RPRD1A: variants seen among roughly 807,000 people sequenced by gnomAD.
RPRD1A encodes the protein regulation of nuclear pre-mRNA domain containing 1A.
Under a neutral mutation model 37.8 loss-of-function variants are expected in RPRD1A, and 9 were observed. The ratio of observed to expected loss-of-function variants is 0.24; its 90% confidence interval spans 0.14 to 0.42. The LOEUF is 0.42. Among genes scored for constraint, RPRD1A ranks in the 10% least tolerant of loss-of-function variants. The pLI is 1.00. For synonymous variants in RPRD1A, 138 were observed against 139.7 expected, an observed-to-expected ratio of 0.99 and a Z score of 0.08; for missense variants, 255 against 371.0, an observed-to-expected ratio of 0.69 and a Z score of 2.57.
chr18:36,051,617 CT>C (rs1157184505), intron 1 of RPRD1A, among the ~76,000 whole-genome samples: 1 of 152,172 alleles, frequency 6.6e-6, no homozygotes, highest in Middle Eastern at 3.2e-3. Context: ...GTTATTGTGT[CT>C]ATTGTATGCT....
At chr18:36,053,526 C>A (rs999816664) in intron 1 of RPRD1A, among the ~76,000 whole-genome samples, 2 of 152,122 alleles carry the variant, frequency 1.3e-5, no homozygotes, top group African/African-American at 4.8e-5. Context: ...ATATAATATT[C>A]CAGCGTGTGG....
intron 6 of RPRD1A, chr18:36,025,946 T>C (rs1012789394): frequency 1.4e-5 from 3 of 219,006 alleles, no homozygotes; most frequent in Non-Finnish European, 2.8e-5. Context: ...TGAGGGTATT[T>C]ATACGAGCAG....
At chr18:36,059,434 G>A (rs61078499) in intron 1 of RPRD1A, among the ~76,000 whole-genome samples, 303 of 152,118 alleles carry the variant, frequency 2.0e-3, no homozygotes, top group African/African-American at 7.1e-3. Flanking sequence ...CACCATACCT[G>A]GCCTTAATTA....
In RPRD1A at chr18:36,020,636, T is replaced by G. The variant is rs546804925; in HGVS notation, c.789+6264A>C. Among the ~76,000 whole-genome samples the G allele has an allele frequency of 1.1e-3, 160 of 152,114 alleles. 2 individuals are homozygous for G. Among genetic ancestry groups the G allele is most frequent in the African/African-American group, 3.6e-3 (151 of 41,522 alleles). Reference sequence around the variant, plus strand: ...ATAGAAAAGCAATAAAAATAAATAGTCTGAGCAACACAGCAAAACCTCATC... The same window carrying G: ...ATAGAAAAGCAATAAAAATAAATAGGCTGAGCAACACAGCAAAACCTCATC... On this transcript the variant is annotated intron_variant, in intron 6 of 6. Coordinates refer to ENST00000399022, the MANE Select transcript of RPRD1A (RefSeq NM_018170.5).
intron 1 of RPRD1A, among the ~76,000 whole-genome samples, chr18:36,066,616 A>G (rs1021425213): frequency 2.6e-4 from 40 of 152,236 alleles, no homozygotes; most frequent in Admixed American, 6.5e-5. Flanking sequence ...TTTGCAAAAC[A>G]AAGACACTGC....
At chr18:36,048,585 T>C (rs1248359064) in intron 1 of RPRD1A, among the ~76,000 whole-genome samples, 1 of 150,104 alleles carries the variant, frequency 6.7e-6, no homozygotes, top group African/African-American at 2.5e-5. Flanking sequence ...CAATCATTCA[T>C]GATAAAATCC....
intron 6 of RPRD1A, among the ~76,000 whole-genome samples, chr18:36,006,145 A>C (rs1909737136): frequency 6.6e-6 from 1 of 152,192 alleles, no homozygotes; most frequent in Non-Finnish European, 1.5e-5. Flanking sequence ...GTTATGATTA[A>C]ATTTTAGAGT....
chr18:36,045,514 A>G (rs1383445081), intron 1 of RPRD1A, among the ~76,000 whole-genome samples: 3 of 152,212 alleles, frequency 2.0e-5, no homozygotes, highest in Non-Finnish European at 4.4e-5. Flanking sequence ...CTCAGGTGAT[A>G]CTGATGCTGG....
In RPRD1A at chr18:36,062,323, C is replaced by CAAAAAAA. The variant is rs752980996; in HGVS notation, c.151+4924_151+4930dup. ...TGGGCGACAGAGCGAGACTCCGTCTCAAAAAAAAAAAAAAAAAAAAAAAAA... is the reference window on the plus strand; with the variant it reads ...TGGGCGACAGAGCGAGACTCCGTCTCAAAAAAAAAAAAAAAAAAAAAAAAAAAAAAAA... On this transcript the variant is annotated intron_variant, in intron 1 of 6. Transcript: ENST00000399022. Among the ~76,000 whole-genome samples the CAAAAAAA allele has an allele frequency of 3.3e-3, 132 of 40,606 alleles. 6 individuals are homozygous for CAAAAAAA. Among genetic ancestry groups the CAAAAAAA allele is most frequent in the African/African-American group, 0.012 (117 of 10,114 alleles). 26.6% of individuals were successfully genotyped at this position (40,606 alleles called of 152,430 possible). A position where few individuals can be genotyped will look rare whatever the true frequency, so the allele number is the denominator to read the frequency against.
In RPRD1A at chr18:36,022,090, T is replaced by C. The variant is rs990048958; in HGVS notation, c.789+4810A>G. Among the ~76,000 whole-genome samples the C allele has an allele frequency of 2.6e-5, 4 of 152,310 alleles. No homozygotes were observed. The South Asian group carries it at 8.3e-4, about 32-fold the overall frequency. On this transcript the variant is annotated intron_variant, in intron 6 of 6. Transcript: ENST00000399022. ...ATGTAGGAAGTTTCAGTAGTCTGGA[T>C]AGAAGATCAAACCAGCCACATTCCC...
intron 1 of RPRD1A, among the ~76,000 whole-genome samples, chr18:36,054,454 G>A (rs575756597): frequency 4.6e-4 from 70 of 152,304 alleles, no homozygotes; most frequent in Admixed American, 1.4e-3. Context: ...TGATGCCACT[G>A]CACTCCAGCC....
chr18:36,059,072 T>C (rs978628489), intron 1 of RPRD1A, among the ~76,000 whole-genome samples: 1 of 152,210 alleles, frequency 6.6e-6, no homozygotes, highest in African/African-American at 2.4e-5. Context: ...ATTTGATCAT[T>C]AGACCAACAT....
rs1408764022 is a variant in RPRD1A at position 36,027,264 on chromosome 18, G to A, written c.533C>T (p.Ser178Leu). The change falls in exon 5 of 7, where the codon TCA becomes TTA. Residue 178 changes from serine to leucine, a missense_variant. Coordinates refer to ENST00000399022, the MANE Select transcript of RPRD1A (RefSeq NM_018170.5). ...CCTCTGATGAACTGCTGCATCACCT[G>A]AGGCTGCATTTTCCAGATCTTGTAA... ...RALQDLENAASGDAAVHQRIA... is the reference protein window; with the variant it reads ...RALQDLENAALGDAAVHQRIA... 6 of 1,613,716 alleles carry A rather than the reference G, an allele frequency of 3.7e-6. No individual in the cohort carries two copies. The highest frequency in any genetic ancestry group is 5.1e-6 in the Non-Finnish European group (6 of 1,179,786).
intron 6 of RPRD1A, among the ~76,000 whole-genome samples, chr18:35,993,703 C>T (rs1316420909): frequency 6.6e-6 from 1 of 152,214 alleles, no homozygotes; most frequent in Non-Finnish European, 1.5e-5. Context: ...AGCAGGACTG[C>T]TCCCTTCCTG....
chr18:36,033,299 CAAAAAAAAAA>C (rs71166085), intron 2 of RPRD1A, among the ~76,000 whole-genome samples: 21 of 75,946 alleles, frequency 2.8e-4, no homozygotes, highest in African/African-American at 1.0e-3. Flanking sequence ...GACTCTGTCT[CAAAAAAAAAA>C]AAAAAAAAAA....
At chr18:35,995,730 G>A (rs1212205949) in intron 6 of RPRD1A, among the ~76,000 whole-genome samples, 1 of 152,118 alleles carries the variant, frequency 6.6e-6, no homozygotes, top group East Asian at 1.9e-4. Context: ...GAAAAGGAGG[G>A]AAAAAAGATT....
chr18:36,045,047 C>A (rs1332876442), intron 1 of RPRD1A, among the ~76,000 whole-genome samples: 1 of 151,972 alleles, frequency 6.6e-6, no homozygotes, highest in Non-Finnish European at 1.5e-5. Context: ...CAAGATGAGC[C>A]TGGGCAACGT....
intron 6 of RPRD1A, among the ~76,000 whole-genome samples, chr18:36,009,585 C>A (rs1910041489): frequency 6.6e-6 from 1 of 152,240 alleles, no homozygotes; most frequent in Non-Finnish European, 1.5e-5. Flanking sequence ...CACAGCATTT[C>A]TTCTCTTATT....
rs541718637 is a variant in RPRD1A at position 36,028,596 on chromosome 18, A to G, written c.487-1286T>C. Reference sequence around the variant, plus strand: ...GATCTCATCACACCTTCACAGTCCTACATGAGTACATTCTAAGTTCCCAAT... The same window carrying G: ...GATCTCATCACACCTTCACAGTCCTGCATGAGTACATTCTAAGTTCCCAAT... On this transcript the variant is annotated intron_variant, in intron 4 of 6. Coordinates refer to ENST00000399022, the MANE Select transcript of RPRD1A (RefSeq NM_018170.5). Among the ~76,000 whole-genome samples, 13 of 152,326 alleles carry G rather than the reference A, an allele frequency of 8.5e-5. No individual in the cohort carries two copies. The East Asian group carries it at 2.3e-3, about 27-fold the overall frequency.
Sources: gnomAD v4.1 joint callset for allele counts (sites outside exome capture counted in the v4.1 genomes callset) on GRCh38, gnomAD v4.1.1 for gene constraint, MANE v1.5 for transcripts, NCBI Gene and HGNC (gene_info 2026-07-23, HGNC 2026-07-21) for gene names.